PITPNC1: variants seen among roughly 807,000 people sequenced by gnomAD.
PITPNC1 encodes cytoplasmic phosphatidylinositol transfer protein 1.
PITPNC1 carries 18 observed loss-of-function variants against 44.7 expected under a neutral mutation model. That is an observed-to-expected ratio of 0.40 (90% CI 0.28 to 0.60). The LOEUF (loss-of-function observed/expected upper bound fraction) is 0.60. Among genes scored for constraint, PITPNC1 ranks in the 20% least tolerant of loss-of-function variants. PITPNC1 has a pLI of 0.39. For synonymous variants in PITPNC1, 141 were observed against 149.6 expected, an observed-to-expected ratio of 0.94 and a Z score of 0.42; for missense variants, 290 against 418.4, an observed-to-expected ratio of 0.69 and a Z score of 2.68.
intron 1 of PITPNC1, among the ~76,000 whole-genome samples, chr17:67,518,739 T>A (rs2040288885): frequency 6.6e-6 from 1 of 152,142 alleles, no homozygotes; most frequent in South Asian, 2.1e-4. Context: ...GGCAGGAGGA[T>A]CAGTTGAGAC....
chr17:67,479,381 A>G (rs570240039), intron 1 of PITPNC1, among the ~76,000 whole-genome samples: 1 of 152,324 alleles, frequency 6.6e-6, no homozygotes, highest in African/African-American at 2.4e-5. Context: ...CCGCTTTACC[A>G]TGAGACAGTG....
intron 6 of PITPNC1, among the ~76,000 whole-genome samples, chr17:67,664,298 G>C (rs1598954399): frequency 6.6e-6 from 1 of 152,240 alleles, no homozygotes; most frequent in Middle Eastern, 3.4e-3. Context: ...ATATTTCACT[G>C]TATGGATATA....
intron 1 of PITPNC1, among the ~76,000 whole-genome samples, chr17:67,514,290 C>T (rs955333917): frequency 6.6e-6 from 1 of 151,938 alleles, no homozygotes; most frequent in African/African-American, 2.4e-5. Context: ...AACTCTGCCT[C>T]CCGGGTTCAA....
chr17:67,388,236 A>G (rs971753604), intron 1 of PITPNC1, among the ~76,000 whole-genome samples: 2 of 152,164 alleles, frequency 1.3e-5, no homozygotes, highest in Admixed American at 1.3e-4. Flanking sequence ...GTTTGAAATC[A>G]GTCACATATA....
chr17:67,543,344 C>T (rs1337796803), intron 2 of PITPNC1, among the ~76,000 whole-genome samples: 1 of 152,226 alleles, frequency 6.6e-6, no homozygotes, highest in Non-Finnish European at 1.5e-5. Context: ...CATTGGGTTC[C>T]CAGACCAAGC....
chr17:67,676,193 C>A lies in PITPNC1; in HGVS notation c.682+651C>A, dbSNP rs576358734. On this transcript the variant is annotated intron_variant, in intron 8 of 8. Coordinates refer to ENST00000581322, the MANE Select transcript of PITPNC1 (RefSeq NM_012417.4). The surrounding 1 kb of genome is among the most constrained non-coding windows in gnomAD (Gnocchi z 4.0). ...CTGCACTCCAGCCTGGGGGACAGAG[C>A]GAGACTCCGTCTCGGAAAAAAAAAA... Among the ~76,000 whole-genome samples, 2 of 148,564 alleles carry A rather than the reference C, an allele frequency of 1.3e-5. No individual in the cohort carries two copies. Among genetic ancestry groups the A allele is most frequent in the Non-Finnish European group, 3.0e-5 (2 of 67,408 alleles).
At chr17:67,408,705 C>CCTTCCTTCCTTA (rs2038439997) in intron 1 of PITPNC1, 1 of 139,530 alleles carries the variant, frequency 7.2e-6, no homozygotes, top group Non-Finnish European at 1.6e-5. Context: ...TTCCTTCCTT[C>CCTTCCTTCCTTA]CTTCCTTCCT....
At chr17:67,380,689 C>T (rs1430173041) in intron 1 of PITPNC1, among the ~76,000 whole-genome samples, 1 of 152,170 alleles carries the variant, frequency 6.6e-6, no homozygotes, top group African/African-American at 2.4e-5. Context: ...ATCCCCTTTT[C>T]CACTGACCCT....
intron 1 of PITPNC1, among the ~76,000 whole-genome samples, chr17:67,501,694 G>A (rs1367185407): frequency 1.3e-5 from 2 of 152,164 alleles, no homozygotes; most frequent in East Asian, 1.9e-4. Flanking sequence ...GAGCCGGGAT[G>A]TGGTGGTGGG....
At chr17:67,613,045 A>C (rs2041708077) in intron 5 of PITPNC1, 1 of 152,220 alleles carries the variant, frequency 6.6e-6, no homozygotes, top group Non-Finnish European at 1.5e-5. Context: ...AAAATACAAA[A>C]AATTAGCTGG....
chr17:67,464,839 A>C (rs1029999062), intron 1 of PITPNC1, among the ~76,000 whole-genome samples: 2 of 151,838 alleles, frequency 1.3e-5, no homozygotes, highest in East Asian at 3.9e-4. Flanking sequence ...TCTCGGGTCC[A>C]AGCAATTCTC....
At chr17:67,601,461 A>G (rs912277832) in intron 5 of PITPNC1, among the ~76,000 whole-genome samples, 1 of 152,154 alleles carries the variant, frequency 6.6e-6, no homozygotes, top group Non-Finnish European at 1.5e-5. Context: ...TTACAAGAGG[A>G]AGAGCAGCTG....
At chr17:67,485,561 C>CA (rs2039767339) in intron 1 of PITPNC1, among the ~76,000 whole-genome samples, 1 of 151,770 alleles carries the variant, frequency 6.6e-6, no homozygotes, top group African/African-American at 2.4e-5. Context: ...GATGGGGTCT[C>CA]ACCATGTTGG....
chr17:67,474,402 T>C (rs1803217988), intron 1 of PITPNC1, among the ~76,000 whole-genome samples: 1 of 152,186 alleles, frequency 6.6e-6, no homozygotes, highest in Non-Finnish European at 1.5e-5. Context: ...GTAACGTTTC[T>C]CAACCTCAGC....
At chr17:67,393,045 G>A (rs1279425794) in intron 1 of PITPNC1, among the ~76,000 whole-genome samples, 1 of 151,164 alleles carries the variant, frequency 6.6e-6, no homozygotes, top group African/African-American at 2.4e-5. Context: ...CAGGAGAATC[G>A]CTTGAACCTG....
intron 1 of PITPNC1, among the ~76,000 whole-genome samples, chr17:67,514,528 G>A (rs1405771514): frequency 6.6e-6 from 1 of 151,172 alleles, no homozygotes; most frequent in Admixed American, 6.6e-5. Flanking sequence ...CTGATCAACT[G>A]TGAAAGTCAA....
chr17:67,574,759 C>T (rs2011941), intron 4 of PITPNC1, among the ~76,000 whole-genome samples: 9,371 of 152,098 alleles, frequency 0.062, 446 homozygotes, highest in African/African-American at 0.13. Context: ...CACCCCAGGA[C>T]TCTGAGAACG....
chr17:67,479,334 G>A (rs2039673827), intron 1 of PITPNC1, among the ~76,000 whole-genome samples: 1 of 152,222 alleles, frequency 6.6e-6, no homozygotes, highest in Non-Finnish European at 1.5e-5. Context: ...AGCTGCCCAT[G>A]AGGAACAGGC....
chr17:67,613,187 T>G (rs182220115), intron 5 of PITPNC1: 1 of 151,462 alleles, frequency 6.6e-6, no homozygotes, highest in African/African-American at 2.4e-5. Flanking sequence ...GCAAGAGCGA[T>G]CAAAAAAAGA....
Sources: gnomAD v4.1 joint callset for allele counts (sites outside exome capture counted in the v4.1 genomes callset) on GRCh38, gnomAD v4.1.1 for gene constraint, Gnocchi (gnomAD v3.1) non-coding constraint, MANE v1.5 for transcripts, NCBI Gene and HGNC (gene_info 2026-07-23, HGNC 2026-07-21) for gene names.